Variants in CRY2 observed in about 807,000 individuals in gnomAD.
CRY2 encodes cryptochrome-2.
CRY2 carries 31 observed loss-of-function variants against 69.5 expected under a neutral mutation model. That is an observed-to-expected ratio of 0.45 (90% confidence interval 0.34 to 0.60). The LOEUF is 0.60. Among genes scored for constraint, CRY2 ranks in the 20% least tolerant of loss-of-function variants. The pLI, the probability that CRY2 is intolerant of heterozygous loss-of-function variation, is 0.02. For synonymous variants in CRY2, 303 were observed against 312.2 expected (o/e 0.97, Z 0.31); for missense variants, 606 against 797.8 (o/e 0.76, Z 2.90).
At chr11:45,863,892 A>G (rs1188154023) in intron 5 of CRY2, among the ~76,000 whole-genome samples, 1 of 152,198 alleles carries the variant, frequency 6.6e-6, no homozygotes, top group African/African-American at 2.4e-5. Flanking sequence ...AAGCAGAGGA[A>G]GCTACATGAT....
At chr11:45,851,435 G>T (rs1177561004) in intron 1 of CRY2, among the ~76,000 whole-genome samples, 2 of 152,164 alleles carry the variant, frequency 1.3e-5, no homozygotes, top group Non-Finnish European at 2.9e-5. Context: ...TCTCTTCCCA[G>T]ATGCTGAGAG....
At position 45,871,974 on chromosome 11, in the gene CRY2, T is replaced by C. The variant is rs1590771303; in HGVS notation, c.1643-118T>C. ...CGAGGGGCAGGTCTGAGGAGCAGCA[T>C]GCTGGCATTCCATTGATAAGTGTGC... On this transcript the variant is annotated intron_variant, in intron 10 of 11. Coordinates refer to ENST00000616080, the MANE Select transcript of CRY2 (RefSeq NM_021117.5). The C allele has an allele frequency of 4.3e-6, 6 of 1,394,510 alleles. No individual in the cohort carries two copies. The East Asian group carries it at 9.5e-5, about 22-fold the overall frequency. 86.4% of individuals were successfully genotyped at this position (1,394,510 alleles called of 1,614,324 possible).
chr11:45,856,089 A>G lies in CRY2; in HGVS notation c.323A>G (p.Lys108Arg). The G allele has an allele frequency of 3.7e-6, 6 of 1,612,638 alleles. No homozygotes were observed. The highest frequency in any genetic ancestry group is 5.1e-6 in the Non-Finnish European group (6 of 1,178,670). ...GCCGACGTGTTCCCAAGGCTGTTCA[A>G]GGTAAGCGTGCAGAGCCCCAGAGAA... ...QPADVFPRLFKEWGVTRLTFE... is the reference protein window; with the variant it reads ...QPADVFPRLFREWGVTRLTFE... Residue 108 changes from lysine (K) to arginine (R), a missense_variant and splice_region_variant, in exon 2 of 12, where the codon AAG becomes AGG. Transcript: ENST00000616080.
Position 45,869,598 on chromosome 11 carries a change from T to C in CRY2, c.975T>C (p.Phe325=), listed in dbSNP as rs1223561513. 6.2e-7 allele frequency: 1 copy of C among 1,614,128 alleles called. No homozygotes were observed. Among genetic ancestry groups the C allele is most frequent in the Non-Finnish European group, 8.5e-7 (1 of 1,180,062 alleles). Residue 325 remains phenylalanine (F), a synonymous_variant, in exon 7 of 12, where the codon TTT becomes TTC. Transcript: ENST00000616080. The part of the protein sequence containing the change: ...FYTAATNNPR[F]DRMEGNPICI... ...CGGCAGCTACCAACAACCCCAGGTT[T>C]GACCGCATGGAGGGGAACCCCATCT...
At chr11:45,870,653 C>A in intron 9 of CRY2, 121 bp downstream of exon 9, 2 of 1,284,050 alleles carry the variant, frequency 1.6e-6, no homozygotes, top group Non-Finnish European at 2.2e-6. Flanking sequence ...AGGTTGACAC[C>A]TTCGCTGGGT....
At chr11:45,860,797 C>T in intron 3 of CRY2, 51 bp from the exon 4 acceptor site, 1 of 1,581,950 alleles carries the variant, frequency 6.3e-7, no homozygotes, top group Non-Finnish European at 8.6e-7. Context: ...GGGCAGGGAC[C>T]CACATCACAG....
At chr11:45,862,903 C>T (rs1203976786) in intron 5 of CRY2, among the ~76,000 whole-genome samples, 3 of 152,128 alleles carry the variant, frequency 2.0e-5, no homozygotes, top group African/African-American at 4.8e-5. Context: ...TTCTCATGTC[C>T]GAGAACAGTC....
At chr11:45,848,189 G>A (rs183203526) in intron 1 of CRY2, among the ~76,000 whole-genome samples, 22 of 152,226 alleles carry the variant, frequency 1.4e-4, no homozygotes, top group African/African-American at 5.1e-4. Context: ...GTTTGAATCC[G>A]CCCTACCACC....
intron 5 of CRY2, among the ~76,000 whole-genome samples, chr11:45,862,580 C>T (rs2086296583): frequency 6.6e-6 from 1 of 152,178 alleles, no homozygotes; most frequent in Non-Finnish European, 1.5e-5. Flanking sequence ...TAGGAATGCT[C>T]ACCTTATAAC....
intron 1 of CRY2, among the ~76,000 whole-genome samples, chr11:45,854,962 GGGAGGGGAA>G (rs1184554158): frequency 6.6e-6 from 1 of 152,206 alleles, no homozygotes; most frequent in South Asian, 2.1e-4. Flanking sequence ...TGGGGAGTGA[GGGAGGGGAA>G]AACCCTTTCT....
upstream of CRY2, chr11:45,847,466 G>C (rs758262655): frequency 3.8e-6 from 6 of 1,597,452 alleles, no homozygotes; most frequent in African/African-American, 1.3e-5. Flanking sequence ...GCGGAGCGGG[G>C]GTGGCTGGAG....
chr11:45,848,713 T>C (rs1427883160), intron 1 of CRY2, among the ~76,000 whole-genome samples: 1 of 152,220 alleles, frequency 6.6e-6, no homozygotes, highest in Non-Finnish European at 1.5e-5. Flanking sequence ...TTTGTTTGCA[T>C]TGTTCTGGGG....
intron 5 of CRY2, among the ~76,000 whole-genome samples, chr11:45,866,241 G>A (rs927408391): frequency 6.6e-6 from 1 of 152,206 alleles, no homozygotes; most frequent in African/African-American, 2.4e-5. Context: ...GCAGCTGGGT[G>A]GAGCAATCTG....
chr11:45,870,374 A>T lies in CRY2; in HGVS notation c.1391A>T (p.Tyr464Phe), dbSNP rs1401909532. The T allele has an allele frequency of 6.2e-7, 1 of 1,614,224 alleles. No individual in the cohort carries two copies. The highest frequency in any genetic ancestry group is 2.2e-5 in the East Asian group (1 of 44,886). The change falls in exon 9 of 12, where the codon TAT (tyrosine) becomes TTT (phenylalanine). Residue 464 changes from tyrosine (Y) to phenylalanine (F), a missense_variant. Tyr to Phe is a conservative substitution (Grantham distance 22). Transcript: ENST00000616080. Reference sequence around the variant, plus strand: ...AAAGCGTTCCCCTCTCGATACATCTATGAGCCCTGGAATGCCCCAGAGTCA... The same window carrying T: ...AAAGCGTTCCCCTCTCGATACATCTTTGAGCCCTGGAATGCCCCAGAGTCA... ...KLKAFPSRYIYEPWNAPESIQ... is the reference protein window; with the variant it reads ...KLKAFPSRYIFEPWNAPESIQ...
At chr11:45,863,382 C>G (rs899754901) in intron 5 of CRY2, among the ~76,000 whole-genome samples, 1 of 151,918 alleles carries the variant, frequency 6.6e-6, no homozygotes, top group Non-Finnish European at 1.5e-5. Context: ...CTTAGGTCAC[C>G]GACAGGAGCT....
intron 11 of CRY2, among the ~76,000 whole-genome samples, chr11:45,874,741 G>A (rs918942573): frequency 5.3e-5 from 8 of 152,092 alleles, no homozygotes; most frequent in South Asian, 2.1e-4. Context: ...TCAGGAGTTC[G>A]AGACCAGCCT....
chr11:45,876,178 TTCA>T (rs1437104845), intron 11 of CRY2, among the ~76,000 whole-genome samples: 1 of 152,356 alleles, frequency 6.6e-6, no homozygotes, highest in Non-Finnish European at 1.5e-5. Context: ...ATAGTCATTC[TTCA>T]TCAGCCTGAA....
chr11:45,854,790 T>A (rs972650771), intron 1 of CRY2, among the ~76,000 whole-genome samples: 1 of 152,224 alleles, frequency 6.6e-6, no homozygotes, highest in Non-Finnish European at 1.5e-5. Flanking sequence ...ACTTAACAGC[T>A]ATGGTCTTAG....
intron 1 of CRY2, among the ~76,000 whole-genome samples, chr11:45,855,343 G>T (rs1229957967): frequency 6.6e-6 from 1 of 152,192 alleles, no homozygotes; most frequent in Non-Finnish European, 1.5e-5. Context: ...GCAGAAATAC[G>T]CATGGCCCAG....
Sources: gnomAD v4.1 joint callset for allele counts (sites outside exome capture counted in the v4.1 genomes callset) on GRCh38, gnomAD v4.1.1 for gene constraint, MANE v1.5 for transcripts, NCBI Gene and HGNC (gene_info 2026-07-23, HGNC 2026-07-21) for gene names.